The following TBX20 variants were observed in gnomAD, a reference collection of about 807,000 sequenced individuals.
TBX20 encodes T-box transcription factor TBX20.
In TBX20, 8 loss-of-function variants were observed where a neutral mutation model predicts 42.9. That is an observed-to-expected ratio of 0.19 (90% CI 0.11 to 0.34). The LOEUF (loss-of-function observed/expected upper bound fraction) is 0.34, where lower values mean the gene tolerates loss of function less well. Ranked by LOEUF, TBX20 falls within the 10% of genes least tolerant of loss-of-function variation. TBX20 has a pLI of 1.00. For synonymous variants in TBX20, 198 were observed against 222.8 expected, an observed-to-expected ratio of 0.89 and a Z score of 0.99; for missense variants, 411 against 566.0, an observed-to-expected ratio of 0.73 and a Z score of 2.78.
chr7:35,220,531 G>A (rs749213037), intron 6 of TBX20, among the ~76,000 whole-genome samples: 20 of 152,184 alleles, frequency 1.3e-4, no homozygotes, highest in Non-Finnish European at 1.5e-4. Context: ...TTATCTATCT[G>A]CGACAACTCT....
At chr7:35,253,122 C>CCTT (rs35047537) in intron 1 of TBX20, among the ~76,000 whole-genome samples, 60,491 of 151,802 alleles carry the variant, frequency 0.4, 12,163 homozygotes, top group Admixed American at 0.47. Context: ...TTTAGCGTCT[C>CCTT]CGTTTCAAAC....
chr7:35,230,615 T>C (rs1339388486), intron 6 of TBX20, among the ~76,000 whole-genome samples: 4 of 152,098 alleles, frequency 2.6e-5, no homozygotes, highest in African/African-American at 9.7e-5. Context: ...GTTGCCAAGA[T>C]AGATTAGACA....
At chr7:35,244,391 T>A (rs1372384233) in intron 4 of TBX20, among the ~76,000 whole-genome samples, 2 of 150,746 alleles carry the variant, frequency 1.3e-5, no homozygotes, top group African/African-American at 4.9e-5. Flanking sequence ...ATTACAGGGC[T>A]TCTTTATGCT....
Position 35,243,012 on chromosome 7 carries a change from C to G in TBX20, c.654+1937G>C, listed in dbSNP as rs374659408. ...TTTTTTTTTGAGACAGGGTCTTGCT[C>G]TGTCACCCAGGCTGAATTGCAGTGG... On this transcript the variant is annotated intron_variant, in intron 4 of 7. Coordinates refer to ENST00000408931, the MANE Select transcript of TBX20 (RefSeq NM_001077653.2). Among the ~76,000 whole-genome samples the G allele has an allele frequency of 2.5e-4, 38 of 152,208 alleles. No homozygotes were observed. In the East Asian group the frequency reaches 3.7e-3, roughly 15 times the overall value.
chr7:35,231,586 G>A lies in TBX20; in HGVS notation c.814-6C>T, dbSNP rs759244663. On this transcript the variant is annotated splice_polypyrimidine_tract_variant and splice_region_variant and intron_variant, in intron 5 of 7. Transcript: ENST00000408931. Reference sequence around the variant, plus strand: ...TCTATTTTCAGCTTCGTTATCTGGAGAAAGAATGGGTACAAAACAGTATCA... The same window carrying A: ...TCTATTTTCAGCTTCGTTATCTGGAAAAAGAATGGGTACAAAACAGTATCA... 7 of 1,593,700 alleles carry A rather than the reference G, an allele frequency of 4.4e-6. No homozygotes were observed. Among genetic ancestry groups the A allele is most frequent in the East Asian group, 2.2e-5 (1 of 44,750 alleles).
At chr7:35,208,572 G>GTC (rs1169625664) in intron 6 of TBX20, among the ~76,000 whole-genome samples, 1 of 151,434 alleles carries the variant, frequency 6.6e-6, no homozygotes, top group Non-Finnish European at 1.5e-5. Context: ...GAGAAACCCC[G>GTC]TCTCTACTAA....
At chr7:35,252,334 G>A (rs1790320180) in intron 1 of TBX20, among the ~76,000 whole-genome samples, 1 of 151,936 alleles carries the variant, frequency 6.6e-6, no homozygotes, top group African/African-American at 2.4e-5. Context: ...TAGATGGGAG[G>A]TGGGTGGGAA....
chr7:35,231,017 T>C (rs1177282512), intron 6 of TBX20, among the ~76,000 whole-genome samples: 1 of 152,180 alleles, frequency 6.6e-6, no homozygotes, highest in Non-Finnish European at 1.5e-5. Flanking sequence ...CTGCCTGATG[T>C]CTCTCCTATT....
intron 6 of TBX20, among the ~76,000 whole-genome samples, chr7:35,214,070 G>A (rs1405459371): frequency 3.9e-5 from 6 of 152,020 alleles, no homozygotes; most frequent in Non-Finnish European, 2.9e-5. Context: ...AGGATTAAAT[G>A]AGAAAATGCA....
intron 6 of TBX20, among the ~76,000 whole-genome samples, chr7:35,229,771 C>T (rs1272208609): frequency 3.9e-5 from 6 of 152,164 alleles, no homozygotes; most frequent in South Asian, 2.1e-4. Context: ...AGATGAAATG[C>T]TCATATAACA....
At chr7:35,246,158 G>C (rs531000420) in intron 3 of TBX20, among the ~76,000 whole-genome samples, 2 of 152,280 alleles carry the variant, frequency 1.3e-5, no homozygotes, top group Admixed American at 6.5e-5. Flanking sequence ...GAAGAATTCT[G>C]TACAAATGCT....
At chr7:35,220,174 G>A (rs1484199281) in intron 6 of TBX20, among the ~76,000 whole-genome samples, 2 of 152,140 alleles carry the variant, frequency 1.3e-5, no homozygotes, top group Non-Finnish European at 1.5e-5. Flanking sequence ...AAAGATACCC[G>A]GGGTGGAAAT....
intron 6 of TBX20, among the ~76,000 whole-genome samples, chr7:35,210,903 T>C (rs1160969148): frequency 1.3e-5 from 2 of 152,170 alleles, no homozygotes; most frequent in African/African-American, 4.8e-5. Context: ...ATTGATATAG[T>C]TAAGTTGAAG....
chr7:35,249,875 C>A lies in TBX20; in HGVS notation c.380+76G>T. The stretch of plus-strand genomic sequence containing the variant: ...ATGACCAGCCAGCTCTCATCTAGTT[C>A]CTGGAAGCACCCTCAACTACCCAGG... On this transcript the variant is annotated intron_variant, in intron 2 of 7. Transcript: ENST00000408931. This position sits in a 1 kb window ranked among gnomAD's most constrained non-coding sequence, Gnocchi z 4.3. 1 of 1,505,892 alleles carries A rather than the reference C, an allele frequency of 6.6e-7. No homozygotes were observed. Among genetic ancestry groups the A allele is most frequent in the South Asian group, 1.3e-5 (1 of 76,506 alleles). The allele number at this position is 1,505,892 out of a possible 1,614,324, so 93.3% of individuals were successfully genotyped here. A position where few individuals can be genotyped will look rare whatever the true frequency, so the allele number is the denominator to read the frequency against.
At chr7:35,205,216 T>G (rs1789380622) in intron 6 of TBX20, among the ~76,000 whole-genome samples, 1 of 151,596 alleles carries the variant, frequency 6.6e-6, no homozygotes, top group African/African-American at 2.4e-5. Context: ...CAATAAGGAG[T>G]TTTAGCCTCT....
chr7:35,234,733 A>G (rs2532177), intron 5 of TBX20, among the ~76,000 whole-genome samples: 1 of 151,978 alleles, frequency 6.6e-6, no homozygotes, highest in African/African-American at 2.4e-5. Context: ...AAACAATTAC[A>G]TTCTCTATTT....
chr7:35,236,592 C>A (rs1370705201), intron 5 of TBX20, among the ~76,000 whole-genome samples: 2 of 152,116 alleles, frequency 1.3e-5, no homozygotes, highest in African/African-American at 4.8e-5. Flanking sequence ...GTTTACTGAG[C>A]ACCTACAAGA....
intron 5 of TBX20, among the ~76,000 whole-genome samples, chr7:35,233,378 G>A (rs1324557360): frequency 6.6e-6 from 1 of 152,230 alleles, no homozygotes; most frequent in African/African-American, 2.4e-5. Context: ...ATTCACTGCT[G>A]AGCAGTTAGA....
At chr7:35,209,188 G>A (rs896380152) in intron 6 of TBX20, among the ~76,000 whole-genome samples, 7 of 151,924 alleles carry the variant, frequency 4.6e-5, no homozygotes, top group African/African-American at 9.7e-5. Context: ...ATCAAGATAA[G>A]GCTAGTCTCA....
Sources: allele counts gnomAD v4.1 joint callset (sites outside exome capture counted in the v4.1 genomes callset), GRCh38; gene constraint gnomAD v4.1.1; non-coding constraint Gnocchi (gnomAD v3.1); transcripts MANE v1.5; gene names NCBI Gene and HGNC (gene_info 2026-07-23, HGNC 2026-07-21).